Variants in CPXM2 observed in about 807,000 individuals in gnomAD.
CPXM2 encodes inactive carboxypeptidase-like protein X2.
In CPXM2, 66 loss-of-function variants were observed where a neutral mutation model predicts 86.1. The ratio of observed to expected loss-of-function variants is 0.77; its 90% confidence interval spans 0.63 to 0.94. CPXM2 has a LOEUF of 0.94. Ranked by LOEUF, CPXM2 falls within the 40% of genes least tolerant of loss-of-function variation. The pLI, the probability that CPXM2 is intolerant of heterozygous loss-of-function variation, is 0.00. For synonymous variants in CPXM2, 388 were observed against 400.2 expected (o/e 0.97, Z 0.36); for missense variants, 948 against 1,026.3 (o/e 0.92, Z 1.04).
At chr10:123,778,004 C>T (rs964536584) in intron 7 of CPXM2, among the ~76,000 whole-genome samples, 21 of 152,224 alleles carry the variant, frequency 1.4e-4, no homozygotes, top group South Asian at 4.1e-4. Flanking sequence ...TCCCTTTCTC[C>T]GCCTTATAGT....
At chr10:123,826,879 G>A (rs931155327) in intron 4 of CPXM2, among the ~76,000 whole-genome samples, 1 of 151,892 alleles carries the variant, frequency 6.6e-6, no homozygotes, top group African/African-American at 2.4e-5. Flanking sequence ...AAACAGTTAT[G>A]AATATCTATG....
chr10:123,896,318 T>G (rs1193257973), upstream of CPXM2, among the ~76,000 whole-genome samples: 1 of 152,238 alleles, frequency 6.6e-6, no homozygotes, highest in East Asian at 1.9e-4. Flanking sequence ...GCACAGCCAT[T>G]ACTAAAAATA....
chr10:123,839,290 C>A (rs547831518), intron 4 of CPXM2, among the ~76,000 whole-genome samples: 1 of 152,214 alleles, frequency 6.6e-6, no homozygotes, highest in African/African-American at 2.4e-5. Context: ...CAGCTCCAGA[C>A]ACCTGTGGCT....
intron 2 of CPXM2, among the ~76,000 whole-genome samples, chr10:123,938,360 G>A (rs950507267): frequency 6.6e-6 from 1 of 152,188 alleles, no homozygotes. Context: ...AGGTAGATAG[G>A]TGCAGTGCGG....
intron 2 of CPXM2, among the ~76,000 whole-genome samples, chr10:123,924,765 C>T (rs1945609698): frequency 6.6e-6 from 1 of 152,178 alleles, no homozygotes; most frequent in Admixed American, 6.5e-5. Flanking sequence ...AGACTCCATC[C>T]TGAAGCTATT....
At chr10:123,767,905 C>A (rs1046871846) in intron 9 of CPXM2, among the ~76,000 whole-genome samples, 1 of 152,150 alleles carries the variant, frequency 6.6e-6, no homozygotes, top group Admixed American at 6.5e-5. Flanking sequence ...ATGATTAAGT[C>A]CTCAGCCAAC....
intron 4 of CPXM2, among the ~76,000 whole-genome samples, chr10:123,839,633 C>T (rs963810289): frequency 6.6e-6 from 1 of 152,122 alleles, no homozygotes; most frequent in African/African-American, 2.4e-5. Flanking sequence ...GTACTGGGAG[C>T]AGTGTGGGGA....
intron 10 of CPXM2, among the ~76,000 whole-genome samples, chr10:123,763,444 AC>A (rs1846393689): frequency 6.6e-6 from 1 of 151,996 alleles, no homozygotes; most frequent in African/African-American, 2.4e-5. Flanking sequence ...ACTCGGAGGC[AC>A]CCACTGTATC....
At chr10:123,943,507 T>C (rs6588746), upstream of CPXM2, among the ~76,000 whole-genome samples, 51,001 of 152,010 alleles carry the variant, frequency 0.34, 9,393 homozygotes, top group African/African-American at 0.48. Context: ...CAGCACGAGG[T>C]AGATCCTCCA....
intron 2 of CPXM2, among the ~76,000 whole-genome samples, chr10:123,937,482 C>T (rs558560994): frequency 0.021 from 2,300 of 109,848 alleles, 57 homozygotes; most frequent in African/African-American, 0.094. Flanking sequence ...CACACACACA[C>T]ACACACACAC....
chr10:123,862,654 C>T lies in CPXM2; in HGVS notation c.473G>A (p.Arg158His), dbSNP rs144205490. ...DFQLHASTVK[R>H]YGLGAHRGRL... The stretch of plus-strand genomic sequence containing the variant: ...CCCTCGATGTGCCCCCAGGCCATAG[C>T]GCTTCACCGTGGAGGCATGGAGCTG... Residue 158 changes from arginine (R) to histidine (H), a missense_variant, in exon 3 of 14, where the codon CGC becomes CAC. Arg to His is a conservative substitution (Grantham distance 29). Transcript: ENST00000241305. 58 of 1,614,048 alleles carry T rather than the reference C, an allele frequency of 3.6e-5. No homozygotes were observed. The highest frequency in any genetic ancestry group is 4.5e-5 in the East Asian group (2 of 44,876).
chr10:123,901,771 C>A (rs1945383811), intron 2 of CPXM2, among the ~76,000 whole-genome samples: 1 of 152,122 alleles, frequency 6.6e-6, no homozygotes, highest in Non-Finnish European at 1.5e-5. Flanking sequence ...CACAGAGCAC[C>A]TGAACCAACC....
At chr10:123,832,603 G>A (rs1216248709) in intron 4 of CPXM2, among the ~76,000 whole-genome samples, 2 of 152,154 alleles carry the variant, frequency 1.3e-5, no homozygotes, top group Admixed American at 1.3e-4. Context: ...GAGGTGGGTG[G>A]ATCACCTGAG....
intron 2 of CPXM2, among the ~76,000 whole-genome samples, chr10:123,866,175 C>G (rs1280688628): frequency 6.6e-6 from 1 of 152,190 alleles, no homozygotes; most frequent in Non-Finnish European, 1.5e-5. Context: ...AGCCCCTCCC[C>G]TTCCCTTTAA....
chr10:123,862,191 A>C (rs896490707), intron 3 of CPXM2, among the ~76,000 whole-genome samples: 1 of 152,202 alleles, frequency 6.6e-6, no homozygotes, highest in Non-Finnish European at 1.5e-5. Context: ...GAGCCACAGG[A>C]AAGCCTGGAA....
At chr10:123,847,862 T>C (rs1848529213) in intron 3 of CPXM2, among the ~76,000 whole-genome samples, 1 of 152,204 alleles carries the variant, frequency 6.6e-6, no homozygotes, top group Non-Finnish European at 1.5e-5. Flanking sequence ...ATCAAAATCA[T>C]TCTGCGGCAG....
Position 123,891,015 on chromosome 10 carries a change from GAAGT to G in CPXM2, c.304+337_304+340del, listed in dbSNP as rs1421863799. Among the ~76,000 whole-genome samples the G allele has an allele frequency of 6.6e-6, 1 of 152,250 alleles. No homozygotes were observed. The highest frequency in any genetic ancestry group is 2.4e-5 in the African/African-American group (1 of 41,474). On this transcript the variant is annotated intron_variant, in intron 1 of 13. Transcript: ENST00000241305. This position sits in a 1 kb window ranked among gnomAD's most constrained non-coding sequence, Gnocchi z 5.6. ...TTTGAGGATTGAAGAAGTAGGCAGAGAAGTAAGAGGCATCCAGCAGAAAGACCCT... is the reference window on the plus strand; with the variant it reads ...TTTGAGGATTGAAGAAGTAGGCAGAGAAGAGGCATCCAGCAGAAAGACCCT...
intron 4 of CPXM2, among the ~76,000 whole-genome samples, chr10:123,841,355 T>G (rs1180365013): frequency 6.6e-6 from 1 of 152,204 alleles, no homozygotes; most frequent in African/African-American, 2.4e-5. Flanking sequence ...GCTTGCTTGT[T>G]GTAAAATAAA....
intron 4 of CPXM2, among the ~76,000 whole-genome samples, chr10:123,827,775 A>G (rs1002135564): frequency 1.3e-5 from 2 of 152,224 alleles, no homozygotes; most frequent in Admixed American, 6.5e-5. Context: ...TCTTAAAAGA[A>G]TGAAGTGGGA....
Sources: allele counts gnomAD v4.1 joint callset (sites outside exome capture counted in the v4.1 genomes callset), GRCh38; gene constraint gnomAD v4.1.1; non-coding constraint Gnocchi (gnomAD v3.1); transcripts MANE v1.5; gene names NCBI Gene and HGNC (gene_info 2026-07-23, HGNC 2026-07-21).